Variants in BMP5 observed in about 807,000 individuals in gnomAD.
BMP5 encodes bone morphogenetic protein 5.
BMP5 carries 23 observed loss-of-function variants against 46.6 expected under a neutral mutation model. The observed-to-expected ratio is 0.49, with a 90% CI of 0.35 to 0.70. The LOEUF (loss-of-function observed/expected upper bound fraction) is 0.70, where lower values mean the gene tolerates loss of function less well. Ranked by LOEUF, BMP5 falls within the 30% of genes least tolerant of loss-of-function variation. The pLI is 0.00. For missense variants in BMP5, 545 were observed against 565.6 expected (o/e 0.96, Z 0.37); for synonymous variants, 204 against 191.9 (o/e 1.06, Z -0.52).
chr6:55,755,387 C>T lies in BMP5; in HGVS notation c.*146G>A. 1.4e-6 allele frequency: 1 copy of T among 708,782 alleles called. No homozygotes were observed. Among genetic ancestry groups the T allele is most frequent in the Non-Finnish European group, 2.4e-6 (1 of 424,724 alleles). The allele number at this position is 708,782 out of a possible 1,614,324, so 43.9% of individuals were successfully genotyped here. A position where few individuals can be genotyped will look rare whatever the true frequency, so the allele number is the denominator to read the frequency against. On this transcript the variant is annotated 3_prime_UTR_variant, in exon 7 of 7. Transcript: ENST00000370830. The stretch of plus-strand genomic sequence containing the variant: ...TATACGTTTAAATAAATAAAAATGA[C>T]TATATACATGATATTGTACATAGGA...
At chr6:55,824,831 A>C (rs959415291) in intron 1 of BMP5, among the ~76,000 whole-genome samples, 3 of 151,894 alleles carry the variant, frequency 2.0e-5, no homozygotes, top group African/African-American at 7.2e-5. Context: ...AGGGGGGTGC[A>C]TTTTGCAAAC....
At chr6:55,831,275 C>T (rs1170575604) in intron 1 of BMP5, among the ~76,000 whole-genome samples, 1 of 152,090 alleles carries the variant, frequency 6.6e-6, no homozygotes, top group Non-Finnish European at 1.5e-5. Context: ...CGCCAATATG[C>T]TAAGTTGCTA....
intron 1 of BMP5, among the ~76,000 whole-genome samples, chr6:55,853,542 T>C (rs1193963244): frequency 6.6e-6 from 1 of 152,322 alleles, no homozygotes; most frequent in East Asian, 1.9e-4. Flanking sequence ...CTATTAGTCA[T>C]TCTGCTTTTT....
rs1582070628 is a variant in BMP5, at chr6:55,795,106, A to G, written c.684-679T>C. ...ATTTTAGAATAATCTGCACAGTGTT[A>G]CTGTTATTAACGTTTATGGTTGTAT... On this transcript the variant is annotated intron_variant, in intron 2 of 6. Coordinates refer to ENST00000370830, the MANE Select transcript of BMP5 (RefSeq NM_021073.4). 2.0e-5 allele frequency among the ~76,000 whole-genome samples: 3 copies of G among 152,232 alleles called. No homozygotes were observed. In the South Asian group the frequency reaches 6.2e-4, roughly 32 times the overall value.
At chr6:55,778,974 G>T (rs1262450831) in intron 3 of BMP5, among the ~76,000 whole-genome samples, 1 of 152,024 alleles carries the variant, frequency 6.6e-6, no homozygotes, top group Non-Finnish European at 1.5e-5. Context: ...TCACAGGGAA[G>T]GTAGACTGGC....
chr6:55,760,652 G>A, intron 4 of BMP5, 119 bp from the exon 5 acceptor site: 1 of 860,560 alleles, frequency 1.2e-6, no homozygotes. Flanking sequence ...GGAAAAATGA[G>A]TTTCAATCTT....
intron 1 of BMP5, among the ~76,000 whole-genome samples, chr6:55,829,915 T>A (rs990015434): frequency 1.3e-5 from 2 of 151,926 alleles, no homozygotes; most frequent in African/African-American, 4.8e-5. Flanking sequence ...TTTGGTAACA[T>A]ATTTATAATT....
intron 2 of BMP5, among the ~76,000 whole-genome samples, chr6:55,813,512 G>C (rs376342719): frequency 5.9e-5 from 9 of 151,592 alleles, no homozygotes; most frequent in African/African-American, 1.9e-4. Flanking sequence ...TAATTTGGCC[G>C]GGCGCGGTGG....
intron 2 of BMP5, among the ~76,000 whole-genome samples, chr6:55,806,392 T>C (rs927450311): frequency 1.3e-5 from 2 of 152,170 alleles, no homozygotes; most frequent in Admixed American, 1.3e-4. Context: ...TGTGTGGTGT[T>C]ATTTCTGAGG....
chr6:55,813,346 G>A (rs1424985728), intron 2 of BMP5, among the ~76,000 whole-genome samples: 1 of 151,736 alleles, frequency 6.6e-6, no homozygotes, highest in African/African-American at 2.4e-5. Context: ...ATTACCCACA[G>A]CCTGCAATGA....
At chr6:55,805,266 G>A (rs1232817088) in intron 2 of BMP5, among the ~76,000 whole-genome samples, 1 of 152,118 alleles carries the variant, frequency 6.6e-6, no homozygotes, top group East Asian at 1.9e-4. Flanking sequence ...TAGGTTCCGG[G>A]ATACTAGTGC....
intron 4 of BMP5, 84 bp downstream of exon 4, chr6:55,773,965 G>T: frequency 7.0e-7 from 1 of 1,422,374 alleles, no homozygotes; most frequent in Non-Finnish European, 9.9e-7. Flanking sequence ...TATACATAGA[G>T]GGTAAATTTA....
chr6:55,847,634 A>T (rs954188861), intron 1 of BMP5, among the ~76,000 whole-genome samples: 2 of 151,926 alleles, frequency 1.3e-5, no homozygotes, highest in African/African-American at 4.8e-5. Context: ...TGTATATAAA[A>T]ATGCAATAAT....
intron 6 of BMP5, among the ~76,000 whole-genome samples, chr6:55,756,757 G>T (rs181378166): frequency 3.9e-4 from 60 of 152,044 alleles, no homozygotes; most frequent in African/African-American, 1.4e-3. Context: ...CTAAAAGTTG[G>T]ATAGTTTCTA....
At chr6:55,785,424 C>T (rs1775423981) in intron 3 of BMP5, among the ~76,000 whole-genome samples, 1 of 151,740 alleles carries the variant, frequency 6.6e-6, no homozygotes, top group South Asian at 2.1e-4. Context: ...AGACATTTTG[C>T]TCATTTGTAT....
At chr6:55,861,132 G>A (rs1777518509) in intron 1 of BMP5, among the ~76,000 whole-genome samples, 1 of 152,184 alleles carries the variant, frequency 6.6e-6, no homozygotes, top group African/African-American at 2.4e-5. Context: ...GAAGTTATCT[G>A]TCAGTTTCTA....
At chr6:55,838,662 C>T (rs1466293244) in intron 1 of BMP5, among the ~76,000 whole-genome samples, 1 of 151,910 alleles carries the variant, frequency 6.6e-6, no homozygotes, top group Non-Finnish European at 1.5e-5. Flanking sequence ...GATCCCAAAC[C>T]CCTGGGGATG....
chr6:55,845,517 C>T (rs1466041911), intron 1 of BMP5, among the ~76,000 whole-genome samples: 1 of 152,018 alleles, frequency 6.6e-6, no homozygotes, highest in East Asian at 1.9e-4. Flanking sequence ...GTGTCTCCTA[C>T]TACCTTAAGA....
chr6:55,819,991 C>T (rs376827927), intron 1 of BMP5, 144 bp from the exon 2 acceptor site: 25 of 732,874 alleles, frequency 3.4e-5, no homozygotes, highest in African/African-American at 1.1e-4. Flanking sequence ...CAAACTGAAA[C>T]GTGTTTCCAG....
Sources: gnomAD v4.1 joint callset for allele counts (sites outside exome capture counted in the v4.1 genomes callset) on GRCh38, gnomAD v4.1.1 for gene constraint, MANE v1.5 for transcripts, NCBI Gene and HGNC (gene_info 2026-07-23, HGNC 2026-07-21) for gene names.